Variants in DPH6 observed in about 807,000 individuals in gnomAD.
DPH6 encodes the protein diphthamine biosynthesis 6, also known as diphthine--ammonia ligase.
A neutral mutation model predicts 38.2 loss-of-function variants in DPH6; 33 were observed. The observed-to-expected ratio is 0.86, with a 90% CI of 0.65 to 1.15. The LOEUF (loss-of-function observed/expected upper bound fraction) is 1.15. DPH6 is among the 50% of genes most tolerant of loss of function. The pLI is 0.00. For synonymous variants in DPH6, 108 were observed against 103.0 expected (o/e 1.05, Z -0.30); for missense variants, 325 against 320.0 (o/e 1.02, Z -0.12).
At position 35,339,471 on chromosome 15, in the gene DPH6, T is replaced by C. The variant is rs141261257; in HGVS notation, n.208-8394A>G. Among the ~76,000 whole-genome samples, 479 of 152,138 alleles carry C rather than the reference T, an allele frequency of 3.1e-3. 5 individuals are homozygous for C. Among genetic ancestry groups the C allele is most frequent in the African/African-American group, 0.011 (456 of 41,504 alleles). On this transcript the variant is annotated intron_variant and non_coding_transcript_variant, in intron 3 of 3. Transcript: ENST00000558973. Reference sequence around the variant, plus strand: ...TCCCTAGTAGCTGGGATTATAGGCATGTGCCACCACACCTGGCTAATTTTT... The same window carrying C: ...TCCCTAGTAGCTGGGATTATAGGCACGTGCCACCACACCTGGCTAATTTTT...
At chr15:35,437,496 T>C (rs561510656) in intron 5 of DPH6, among the ~76,000 whole-genome samples, 1 of 152,286 alleles carries the variant, frequency 6.6e-6, no homozygotes, top group Non-Finnish European at 1.5e-5. Flanking sequence ...AAGAGTAAAC[T>C]TTTTTCTTAC....
chr15:35,453,202 CT>C (rs545608002), intron 4 of DPH6, among the ~76,000 whole-genome samples: 40 of 152,260 alleles, frequency 2.6e-4, no homozygotes, highest in African/African-American at 9.6e-4. Flanking sequence ...GTCTGTTCAT[CT>C]GTTCAACCGT....
intron 5 of DPH6, among the ~76,000 whole-genome samples, chr15:35,445,719 A>C (rs1206050828): frequency 6.6e-6 from 1 of 152,256 alleles, no homozygotes; most frequent in Non-Finnish European, 1.5e-5. Context: ...AGGTGAGAGA[A>C]AGGTAAACAA....
At chr15:35,457,117 C>T (rs774954446) in intron 3 of DPH6, among the ~76,000 whole-genome samples, 3 of 151,768 alleles carry the variant, frequency 2.0e-5, no homozygotes, top group Non-Finnish European at 4.4e-5. Context: ...CCATGCCCAG[C>T]TATTTTTTTC....
chr15:35,427,679 C>G (rs16960916), intron 5 of DPH6, among the ~76,000 whole-genome samples: 51,015 of 151,318 alleles, frequency 0.34, 10,124 homozygotes, highest in African/African-American at 0.56. Context: ...CAATAAAATA[C>G]TAGATAGAAG....
At chr15:35,405,591 A>G (rs2053281246) in intron 6 of DPH6, among the ~76,000 whole-genome samples, 1 of 152,020 alleles carries the variant, frequency 6.6e-6, no homozygotes, top group Admixed American at 6.6e-5. Context: ...ATCAGTTCTA[A>G]TAGTTTTTTG....
intron 3 of DPH6, among the ~76,000 whole-genome samples, chr15:35,296,379 C>T (rs1473982401): frequency 1.3e-5 from 2 of 152,160 alleles, no homozygotes; most frequent in African/African-American, 4.8e-5. Context: ...CTTATTCTAG[C>T]TCCCTTCGTC....
exon 4 of DPH6, chr15:35,219,217 G>A (rs1434766680): frequency 6.6e-6 from 1 of 152,176 alleles, no homozygotes; most frequent in Non-Finnish European, 1.5e-5. Flanking sequence ...GCCATAATTT[G>A]TAGGAGCTTC....
chr15:35,257,003 G>A (rs997674643), intron 3 of DPH6, among the ~76,000 whole-genome samples: 1 of 152,158 alleles, frequency 6.6e-6, no homozygotes, highest in Admixed American at 6.6e-5. Context: ...GCTATTTGAG[G>A]ACTGATAAGA....
chr15:35,524,307 C>G (rs1226162660), intron 3 of DPH6, among the ~76,000 whole-genome samples: 4 of 152,010 alleles, frequency 2.6e-5, no homozygotes, highest in African/African-American at 9.7e-5. Flanking sequence ...TGGACTAGCA[C>G]CAGGCTAATC....
At chr15:35,243,753 G>T (rs1445939560) in intron 3 of DPH6, among the ~76,000 whole-genome samples, 1 of 151,620 alleles carries the variant, frequency 6.6e-6, no homozygotes, top group Admixed American at 6.6e-5. Context: ...TTCGGACTCA[G>T]CCCGCCTGCA....
downstream of DPH6, among the ~76,000 whole-genome samples, chr15:35,369,621 G>GAAA (rs4041272): frequency 5.0e-3 from 658 of 130,320 alleles, 5 homozygotes; most frequent in African/African-American, 0.016. Context: ...CCTGTTATAT[G>GAAA]AAAAAAAAAA....
At chr15:35,544,013 A>G (rs1243304033) in intron 1 of DPH6, among the ~76,000 whole-genome samples, 1 of 152,288 alleles carries the variant, frequency 6.6e-6, no homozygotes, top group African/African-American at 2.4e-5. Flanking sequence ...GTCCAACAAA[A>G]TACTAACCAA....
At chr15:35,286,407 T>C (rs543276029) in intron 3 of DPH6, among the ~76,000 whole-genome samples, 3 of 152,354 alleles carry the variant, frequency 2.0e-5, no homozygotes, top group African/African-American at 7.2e-5. Flanking sequence ...GATTAAATCA[T>C]TGATTGGGCC....
intron 3 of DPH6, among the ~76,000 whole-genome samples, chr15:35,225,849 C>T (rs2051476865): frequency 6.6e-6 from 1 of 152,188 alleles, no homozygotes; most frequent in Admixed American, 6.5e-5. Flanking sequence ...GTTACTTCAG[C>T]AAAGTATCTT....
At chr15:35,269,203 C>T (rs886094740) in intron 3 of DPH6, among the ~76,000 whole-genome samples, 5 of 152,166 alleles carry the variant, frequency 3.3e-5, no homozygotes, top group African/African-American at 1.2e-4. Context: ...TAAGTTAAAT[C>T]ATTCCAATTC....
At chr15:35,216,750 G>C (rs530955989), downstream of DPH6, among the ~76,000 whole-genome samples, 3 of 152,316 alleles carry the variant, frequency 2.0e-5, no homozygotes, top group East Asian at 5.8e-4. Context: ...GTCATGCCAA[G>C]AGGGCCATTG....
intron 3 of DPH6, among the ~76,000 whole-genome samples, chr15:35,477,276 T>C (rs993780521): frequency 2.0e-5 from 3 of 151,896 alleles, no homozygotes; most frequent in East Asian, 1.9e-4. Flanking sequence ...TTTTAGATTT[T>C]TTTGCTGTTG....
At chr15:35,383,096 G>A (rs2052893936) in intron 6 of DPH6, among the ~76,000 whole-genome samples, 1 of 152,092 alleles carries the variant, frequency 6.6e-6, no homozygotes, top group East Asian at 1.9e-4. Flanking sequence ...CTCTTTATGT[G>A]GGGAGTATAC....
Sources: allele counts gnomAD v4.1 joint callset (sites outside exome capture counted in the v4.1 genomes callset), GRCh38; gene constraint gnomAD v4.1.1; transcripts MANE v1.5; gene names NCBI Gene and HGNC (gene_info 2026-07-23, HGNC 2026-07-21).